Variants in CEP76 observed in about 807,000 individuals in gnomAD.
The protein encoded by CEP76 is centrosomal protein 76.
Under a neutral mutation model 83.3 loss-of-function variants are expected in CEP76, and 55 were observed. That is an observed-to-expected ratio of 0.66 (90% CI 0.53 to 0.83). The LOEUF is 0.83. Ranked by LOEUF, CEP76 falls within the 40% of genes least tolerant of loss-of-function variation. CEP76 has a pLI of 0.00. For synonymous variants in CEP76, 270 were observed against 274.5 expected (o/e 0.98, Z 0.16); for missense variants, 694 against 799.5 (o/e 0.87, Z 1.59).
chr18:12,691,361 G>T lies in CEP76; in HGVS notation c.931C>A (p.Gln311Lys). Residue 311 changes from glutamine (Q) to lysine (K), a missense_variant and splice_region_variant, in exon 7 of 12, where the codon CAG becomes AAG. By Grantham distance (53) the Gln-to-Lys change is moderately conservative. Transcript: ENST00000262127. ...TTATTCTAATATAATTTACAAACCTGTGCAAAAATCTTAACCAGTCGTGAG... is the reference window on the plus strand; with the variant it reads ...TTATTCTAATATAATTTACAAACCTTTGCAAAAATCTTAACCAGTCGTGAG... ...HNSRLVKIFAQDENGINRPVC... is the reference protein window; with the variant it reads ...HNSRLVKIFAKDENGINRPVC... The T allele has an allele frequency of 6.4e-7, 1 of 1,568,758 alleles. No homozygotes were observed. The highest frequency in any genetic ancestry group is 8.6e-7 in the Non-Finnish European group (1 of 1,157,722).
chr18:12,702,405 G>A, intron 1 of CEP76, 81 bp downstream of exon 1: 1 of 1,077,626 alleles, frequency 9.3e-7, no homozygotes, highest in Non-Finnish European at 1.4e-6. Context: ...AGCAGATGCC[G>A]CTGTCGGCCC....
intron 12 of CEP76, among the ~76,000 whole-genome samples, chr18:12,667,586 C>A (rs1484915787): frequency 6.6e-6 from 1 of 150,982 alleles, no homozygotes; most frequent in Non-Finnish European, 1.5e-5. Flanking sequence ...ATGGTGAAAC[C>A]CCCGTCTCTA....
chr18:12,665,419 T>TC (rs1316387032), intron 12 of CEP76, among the ~76,000 whole-genome samples: 1 of 152,102 alleles, frequency 6.6e-6, no homozygotes, highest in Admixed American at 6.5e-5. Flanking sequence ...CCTTAGGATT[T>TC]CCCCTGAACA....
intron 12 of CEP76, among the ~76,000 whole-genome samples, chr18:12,664,540 A>C (rs867585805): frequency 6.6e-6 from 1 of 151,018 alleles, no homozygotes. Flanking sequence ...ACAGAGCGAG[A>C]CTCCGTCTCA....
intron 7 of CEP76, among the ~76,000 whole-genome samples, chr18:12,688,228 C>CAAA (rs11337170): frequency 9.6e-5 from 9 of 94,002 alleles, no homozygotes; most frequent in East Asian, 3.0e-4. Flanking sequence ...GACTCCATCT[C>CAAA]AAAAAAAAAA....
chr18:12,670,872 C>T, downstream of CEP76: 1 of 152,000 alleles, frequency 6.6e-6, no homozygotes, highest in Non-Finnish European at 1.5e-5. Context: ...TGGTCTTAAA[C>T]TCCTGAACCC....
At chr18:12,683,513 G>A (rs1205109842) in intron 8 of CEP76, among the ~76,000 whole-genome samples, 6 of 152,036 alleles carry the variant, frequency 3.9e-5, no homozygotes, top group Admixed American at 3.9e-4. Flanking sequence ...CACTTTAGGA[G>A]GCAGAGGCGG....
intron 12 of CEP76, chr18:12,663,587 A>T (rs2038742535): frequency 6.6e-6 from 1 of 152,148 alleles, no homozygotes; most frequent in African/African-American, 2.4e-5. Flanking sequence ...AAATATCTTT[A>T]TTTTGTAGCA....
At chr18:12,668,242 G>C (rs1398034246), downstream of CEP76, among the ~76,000 whole-genome samples, 22 of 151,814 alleles carry the variant, frequency 1.4e-4, no homozygotes, top group Non-Finnish European at 1.6e-4. Context: ...TCCAGACTGG[G>C]CAACAGACTG....
intron 8 of CEP76, among the ~76,000 whole-genome samples, chr18:12,683,903 G>A (rs1166033699): frequency 6.6e-6 from 1 of 151,290 alleles, no homozygotes; most frequent in Non-Finnish European, 1.5e-5. Flanking sequence ...AATATAAAAA[G>A]AAATAATAAA....
intron 4 of CEP76, among the ~76,000 whole-genome samples, chr18:12,698,312 G>A (rs560995637): frequency 3.9e-4 from 59 of 151,774 alleles, no homozygotes; most frequent in Non-Finnish European, 7.4e-4. Context: ...CATTACACGC[G>A]CCTGCCACCA....
At chr18:12,671,649 T>TC, downstream of CEP76, among the ~76,000 whole-genome samples, 1 of 136,630 alleles carries the variant, frequency 7.3e-6, no homozygotes, top group Non-Finnish European at 1.6e-5. Context: ...TTTCTTTTTT[T>TC]TTTTTTTTTT....
chr18:12,664,815 C>G (rs1399134058), intron 12 of CEP76, among the ~76,000 whole-genome samples: 2 of 151,622 alleles, frequency 1.3e-5, no homozygotes, highest in Non-Finnish European at 2.9e-5. Flanking sequence ...TCTCCTGCCT[C>G]AGCCTCCTGA....
chr18:12,682,997 CAA>C (rs2039404072), intron 8 of CEP76, among the ~76,000 whole-genome samples: 1 of 151,864 alleles, frequency 6.6e-6, no homozygotes, highest in Admixed American at 6.6e-5. Flanking sequence ...AAAATATCTG[CAA>C]AGATAGTCAG....
At chr18:12,678,765 G>C (rs2039236842) in intron 9 of CEP76, among the ~76,000 whole-genome samples, 1 of 151,982 alleles carries the variant, frequency 6.6e-6, no homozygotes, top group Non-Finnish European at 1.5e-5. Context: ...AGACTAACCT[G>C]ACCAACATGG....
intron 6 of CEP76, among the ~76,000 whole-genome samples, chr18:12,694,579 C>T (rs917094726): frequency 6.6e-6 from 1 of 152,180 alleles, no homozygotes; most frequent in African/African-American, 2.4e-5. Context: ...GCACTTCTAC[C>T]CTGAGAGAAC....
Position 12,678,089 on chromosome 18 carries a change from A to G in CEP76, c.1623+20T>C, listed in dbSNP as rs374370690. 327 of 1,574,156 alleles carry G rather than the reference A, an allele frequency of 2.1e-4. No individual in the cohort carries two copies. The African/African-American group carries it at 3.8e-3, about 18-fold the overall frequency. On this transcript the variant is annotated intron_variant, in intron 10 of 11. Transcript: ENST00000262127. ...AAATGAAAAGAAGTATGAAACTACA[A>G]CTATTTCAGTGTGAATTACCTTCCT...
At chr18:12,672,008 CAG>C (rs1283001501), downstream of CEP76, among the ~76,000 whole-genome samples, 2 of 151,258 alleles carry the variant, frequency 1.3e-5, no homozygotes, top group Admixed American at 6.6e-5. Context: ...TTAGTAGAGA[CAG>C]GGTTTCACTG....
chr18:12,683,058 C>T (rs527911268), intron 8 of CEP76, among the ~76,000 whole-genome samples: 62 of 151,784 alleles, frequency 4.1e-4, no homozygotes, highest in African/African-American at 1.4e-3. Flanking sequence ...ATGAGCTTAA[C>T]TTTATGGCCA....
Sources: gnomAD v4.1 joint callset for allele counts (sites outside exome capture counted in the v4.1 genomes callset) on GRCh38, gnomAD v4.1.1 for gene constraint, MANE v1.5 for transcripts, NCBI Gene and HGNC (gene_info 2026-07-23, HGNC 2026-07-21) for gene names.